Variants in SLC24A2 observed in about 807,000 individuals in gnomAD.
SLC24A2 encodes solute carrier family 24 member 2.
In SLC24A2, 36 loss-of-function variants were observed where a neutral mutation model predicts 62.0. The observed-to-expected ratio is 0.58, with a 90% CI of 0.44 to 0.77. The LOEUF is 0.77. Among genes scored for constraint, SLC24A2 ranks in the 30% least tolerant of loss-of-function variants. SLC24A2 has a pLI of 0.00. For synonymous variants in SLC24A2, 358 were observed against 294.0 expected, an observed-to-expected ratio of 1.22 and a Z score of -2.23; for missense variants, 846 against 817.9, an observed-to-expected ratio of 1.03 and a Z score of -0.42.
At position 19,786,743 on chromosome 9, in the gene SLC24A2, G is replaced by A. The variant is rs756587577; in HGVS notation, c.124C>T (p.Leu42Phe). ...CTAATGGCTACCAGACCCATGAAAAGGCCTAAGACTCGAATTAACTTCAGT... is the reference window on the plus strand; with the variant it reads ...CTAATGGCTACCAGACCCATGAAAAAGCCTAAGACTCGAATTAACTTCAGT... The part of the protein sequence containing the change: ...KKLKLIRVLG[L>F]FMGLVAISTV... Residue 42 changes from leucine to phenylalanine, a missense_variant, in exon 2 of 11, where the codon CTT (leucine) becomes TTT (phenylalanine). Leu to Phe is a conservative substitution (Grantham distance 22). Coordinates refer to ENST00000341998, the MANE Select transcript of SLC24A2 (RefSeq NM_020344.4). The surrounding 1 kb of genome is among the most constrained non-coding windows in gnomAD (Gnocchi z 5.0). The A allele has an allele frequency of 6.2e-7, 1 of 1,602,956 alleles. No homozygotes were observed. The highest frequency in any genetic ancestry group is 2.2e-5 in the East Asian group (1 of 44,732).
the SLC24A2 span, among the ~76,000 whole-genome samples, chr9:20,044,011 C>G: frequency 2.6e-5 from 4 of 152,282 alleles, no homozygotes; most frequent in East Asian, 7.7e-4. Context: ...AGAGCCATCC[C>G]AACCATCAGC....
chr9:19,760,373 A>AT (rs913472044), intron 2 of SLC24A2, among the ~76,000 whole-genome samples: 13 of 151,940 alleles, frequency 8.6e-5, no homozygotes, highest in African/African-American at 2.9e-4. Context: ...TCTTACTTTT[A>AT]TTTTTTTATT....
chr9:19,618,757 G>A (rs1047179776), intron 4 of SLC24A2, among the ~76,000 whole-genome samples: 1 of 152,170 alleles, frequency 6.6e-6, no homozygotes, highest in Non-Finnish European at 1.5e-5. Context: ...ATTAGCTCCT[G>A]TGTAACATTG....
chr9:19,840,861 T>C, the SLC24A2 span, among the ~76,000 whole-genome samples: 1 of 152,218 alleles, frequency 6.6e-6, no homozygotes, highest in East Asian at 1.9e-4. Flanking sequence ...GCATTTACCT[T>C]TAAACTGGCT....
At chr9:20,113,880 G>GA in the SLC24A2 span, among the ~76,000 whole-genome samples, 3 of 152,114 alleles carry the variant, frequency 2.0e-5, no homozygotes, top group East Asian at 1.9e-4. Context: ...AAAGCAATCA[G>GA]AAAAAAATAT....
chr9:20,194,927 C>G, the SLC24A2 span, among the ~76,000 whole-genome samples: 1 of 152,062 alleles, frequency 6.6e-6, no homozygotes, highest in Non-Finnish European at 1.5e-5. Flanking sequence ...AAATAATATT[C>G]TAAGATTGCT....
chr9:20,192,309 C>T, the SLC24A2 span, among the ~76,000 whole-genome samples: 2 of 151,852 alleles, frequency 1.3e-5, no homozygotes, highest in African/African-American at 4.8e-5. Flanking sequence ...GCTGGGGAGG[C>T]CTGGAAAGTT....
the SLC24A2 span, among the ~76,000 whole-genome samples, chr9:19,883,619 G>A: frequency 1.7e-4 from 26 of 150,348 alleles, no homozygotes; most frequent in African/African-American, 6.1e-4. Flanking sequence ...AGGCTGAAGT[G>A]CAGTGGTGCT....
intron 2 of SLC24A2, among the ~76,000 whole-genome samples, chr9:19,714,762 G>A (rs1357523723): frequency 6.6e-6 from 1 of 152,114 alleles, no homozygotes; most frequent in African/African-American, 2.4e-5. Flanking sequence ...TTTCCCCTCT[G>A]TGGCAAGGGC....
chr9:20,265,923 T>A, the SLC24A2 span, among the ~76,000 whole-genome samples: 6 of 152,086 alleles, frequency 3.9e-5, no homozygotes, highest in Non-Finnish European at 5.9e-5. Flanking sequence ...TCTGTAGGGA[T>A]GAAAGAAGCC....
At chr9:19,800,723 TCC>T in the SLC24A2 span, among the ~76,000 whole-genome samples, 1 of 152,210 alleles carries the variant, frequency 6.6e-6, no homozygotes, top group Non-Finnish European at 1.5e-5. Context: ...ATTTAGCAAT[TCC>T]CCTATTACCC....
chr9:19,605,523 T>C (rs558092525), intron 4 of SLC24A2, among the ~76,000 whole-genome samples: 1 of 152,280 alleles, frequency 6.6e-6, no homozygotes, highest in Non-Finnish European at 1.5e-5. Context: ...GAATAGAAAA[T>C]CGGTTCCCAT....
At chr9:20,272,557 G>A in the SLC24A2 span, among the ~76,000 whole-genome samples, 217 of 152,284 alleles carry the variant, frequency 1.4e-3, no homozygotes, top group Middle Eastern at 6.8e-3. Flanking sequence ...TAAGGTCATC[G>A]TCTCCTCTAA....
chr9:19,756,902 G>GTTTTTT (rs1564082907), intron 2 of SLC24A2, among the ~76,000 whole-genome samples: 15 of 42,320 alleles, frequency 3.5e-4, no homozygotes, highest in Non-Finnish European at 6.7e-4. Context: ...TTTTACTGAA[G>GTTTTTT]CTTTTTTTTT....
chr9:19,939,006 G>A, the SLC24A2 span, among the ~76,000 whole-genome samples: 1 of 152,144 alleles, frequency 6.6e-6, no homozygotes, highest in African/African-American at 2.4e-5. Flanking sequence ...AAACTCATAA[G>A]GTATCTGTTG....
intron 10 of SLC24A2, among the ~76,000 whole-genome samples, chr9:19,519,176 T>G (rs1384270149): frequency 1.3e-5 from 2 of 152,202 alleles, no homozygotes; most frequent in Non-Finnish European, 2.9e-5. Context: ...CATAGATGCC[T>G]CTCTATGCCA....
intron 7 of SLC24A2, among the ~76,000 whole-genome samples, chr9:19,560,664 T>C (rs557589712): frequency 1.2e-4 from 18 of 152,322 alleles, no homozygotes; most frequent in African/African-American, 3.8e-4. Flanking sequence ...AAGTCTCTGG[T>C]ATTTTTTTCT....
chr9:19,734,714 T>C (rs1821450775), intron 2 of SLC24A2, among the ~76,000 whole-genome samples: 1 of 152,200 alleles, frequency 6.6e-6, no homozygotes, highest in Non-Finnish European at 1.5e-5. Flanking sequence ...ATGCTTGTGA[T>C]TTTTGCACAT....
At chr9:19,586,604 A>C (rs1186804861) in intron 5 of SLC24A2, among the ~76,000 whole-genome samples, 1 of 151,944 alleles carries the variant, frequency 6.6e-6, no homozygotes, top group Non-Finnish European at 1.5e-5. Context: ...TTTTTTATAA[A>C]AAGATAATCT....
Sources: allele counts gnomAD v4.1 joint callset (sites outside exome capture counted in the v4.1 genomes callset), GRCh38; gene constraint gnomAD v4.1.1; non-coding constraint Gnocchi (gnomAD v3.1); transcripts MANE v1.5; gene names NCBI Gene and HGNC (gene_info 2026-07-23, HGNC 2026-07-21).